Variants in GALNTL6 observed in about 807,000 individuals in gnomAD.
GALNTL6 encodes the protein polypeptide N-acetylgalactosaminyltransferase like 6, also known as polypeptide N-acetylgalactosaminyltransferase-like 6.
Under a neutral mutation model 73.7 loss-of-function variants are expected in GALNTL6, and 46 were observed. The ratio of observed to expected loss-of-function variants is 0.62; its 90% CI spans 0.49 to 0.80. GALNTL6 has a LOEUF of 0.80. GALNTL6 is among the 30% of genes least tolerant of loss of function. GALNTL6 has a pLI of 0.00. For synonymous variants in GALNTL6, 259 were observed against 263.7 expected, an observed-to-expected ratio of 0.98 and a Z score of 0.17; for missense variants, 604 against 755.0, an observed-to-expected ratio of 0.80 and a Z score of 2.34.
rs563599358 is a variant in GALNTL6, at chr4:171,822,616, A to C, written c.138+7898A>C. Among the ~76,000 whole-genome samples the C allele has an allele frequency of 2.0e-5, 3 of 152,308 alleles. No homozygotes were observed. The South Asian group carries it at 6.2e-4, about 32-fold the overall frequency. On this transcript the variant is annotated intron_variant, in intron 2 of 12. Coordinates refer to ENST00000506823, the MANE Select transcript of GALNTL6 (RefSeq NM_001034845.3). ...GTAAATAACCTTAAATATTGTGTAC[A>C]CCTAAAAAAGATATAATAAAATACA...
chr4:172,453,944 C>T (rs1405889539), intron 5 of GALNTL6, among the ~76,000 whole-genome samples: 1 of 152,114 alleles, frequency 6.6e-6, no homozygotes, highest in Non-Finnish European at 1.5e-5. Flanking sequence ...GTACAACTTA[C>T]AGAAATATAG....
intron 5 of GALNTL6, among the ~76,000 whole-genome samples, chr4:172,730,656 G>A (rs1253812654): frequency 6.6e-6 from 1 of 152,120 alleles, no homozygotes; most frequent in Non-Finnish European, 1.5e-5. Context: ...TTGCAGTTAT[G>A]TTCTTCAGCG....
At chr4:172,211,211 G>C (rs557306580) in intron 2 of GALNTL6, among the ~76,000 whole-genome samples, 9 of 152,092 alleles carry the variant, frequency 5.9e-5, no homozygotes, top group African/African-American at 2.2e-4. Context: ...ATTTCCCCAA[G>C]GAGCCCTGGT....
intron 5 of GALNTL6, among the ~76,000 whole-genome samples, chr4:172,487,095 A>C (rs974982765): frequency 3.3e-5 from 5 of 152,286 alleles, no homozygotes; most frequent in South Asian, 2.1e-4. Context: ...CTAAGTAATA[A>C]ATTTTCAAAT....
intron 5 of GALNTL6, among the ~76,000 whole-genome samples, chr4:172,650,271 G>A (rs1387263462): frequency 6.6e-6 from 1 of 151,982 alleles, no homozygotes; most frequent in Non-Finnish European, 1.5e-5. Flanking sequence ...AAGAACAGCG[G>A]TACCATATTA....
At chr4:172,458,516 G>A (rs998209137) in intron 5 of GALNTL6, among the ~76,000 whole-genome samples, 15 of 151,782 alleles carry the variant, frequency 9.9e-5, no homozygotes, top group African/African-American at 3.4e-4. Context: ...TCAAATAGAG[G>A]CAATAAAAAT....
intron 3 of GALNTL6, among the ~76,000 whole-genome samples, chr4:172,290,124 T>C (rs185849095): frequency 1.4e-3 from 216 of 152,278 alleles, no homozygotes; most frequent in African/African-American, 5.1e-3. Context: ...ATAGGGACTT[T>C]CTCTTTCATC....
intron 2 of GALNTL6, among the ~76,000 whole-genome samples, chr4:171,863,038 T>C (rs997438775): frequency 6.6e-6 from 1 of 152,204 alleles, no homozygotes; most frequent in African/African-American, 2.4e-5. Context: ...AACTCTTATT[T>C]CAAAGAATTT....
At chr4:172,160,525 A>G (rs1277300424) in intron 2 of GALNTL6, among the ~76,000 whole-genome samples, 1 of 152,020 alleles carries the variant, frequency 6.6e-6, no homozygotes, top group Non-Finnish European at 1.5e-5. Flanking sequence ...TTATTGAAGG[A>G]AACTAAGAGC....
chr4:172,311,792 G>GTTTTTTTT, intron 4 of GALNTL6, 40 bp downstream of exon 4: 1 of 1,324,314 alleles, frequency 7.6e-7, no homozygotes, highest in Non-Finnish European at 1.0e-6. Context: ...GGGTTTTTTT[G>GTTTTTTTT]GTTTTTTTTG....
At chr4:172,911,550 A>G (rs1449986963) in intron 8 of GALNTL6, among the ~76,000 whole-genome samples, 2 of 152,212 alleles carry the variant, frequency 1.3e-5, no homozygotes, top group African/African-American at 4.8e-5. Context: ...TTCCTACAGT[A>G]TTTAGCCTAG....
At position 172,379,645 on chromosome 4, in the gene GALNTL6, C is replaced by A. The variant is rs149777568; in HGVS notation, c.553+30956C>A. Among the ~76,000 whole-genome samples, 599 of 148,898 alleles carry A rather than the reference C, an allele frequency of 4.0e-3. 4 individuals carry two copies. Among genetic ancestry groups the A allele is most frequent in the African/African-American group, 0.014 (555 of 39,832 alleles). On this transcript the variant is annotated intron_variant, in intron 5 of 12. Coordinates refer to ENST00000506823, the MANE Select transcript of GALNTL6 (RefSeq NM_001034845.3). ...CATAAATTAAAATAAAACTACCTCC[C>A]CCCTGAAAAAAATAAAATAAAATAA...
chr4:172,907,279 T>G (rs1340156703), intron 8 of GALNTL6, among the ~76,000 whole-genome samples: 1 of 152,174 alleles, frequency 6.6e-6, no homozygotes, highest in Non-Finnish European at 1.5e-5. Context: ...ACAATATTTT[T>G]AACAAAGCTT....
At chr4:172,849,916 G>T (rs1162067290) in intron 7 of GALNTL6, among the ~76,000 whole-genome samples, 1 of 152,130 alleles carries the variant, frequency 6.6e-6, no homozygotes, top group African/African-American at 2.4e-5. Flanking sequence ...AGGTTGTCGA[G>T]AATCTTTAAC....
chr4:172,222,150 A>G (rs1339761842), intron 2 of GALNTL6, among the ~76,000 whole-genome samples: 2 of 151,768 alleles, frequency 1.3e-5, no homozygotes, highest in African/African-American at 4.8e-5. Flanking sequence ...ATCTTCAGAA[A>G]TTTCTCAGAA....
intron 2 of GALNTL6, among the ~76,000 whole-genome samples, chr4:171,984,325 T>C (rs1560871177): frequency 6.6e-6 from 1 of 152,214 alleles, no homozygotes; most frequent in Non-Finnish European, 1.5e-5. Flanking sequence ...ACCAGCTTCC[T>C]GTCTTAAGGG....
chr4:172,747,696 G>A (rs1737186164), intron 5 of GALNTL6, among the ~76,000 whole-genome samples: 1 of 151,850 alleles, frequency 6.6e-6, no homozygotes, highest in African/African-American at 2.4e-5. Flanking sequence ...AATCAGTATG[G>A]GAAAGAGATG....
chr4:172,209,842 A>G (rs886900503), intron 2 of GALNTL6, among the ~76,000 whole-genome samples: 10 of 152,226 alleles, frequency 6.6e-5, no homozygotes, highest in African/African-American at 2.4e-4. Flanking sequence ...CAAGCTGGCA[A>G]AAAGACTTCT....
chr4:172,630,917 T>C (rs931127454), intron 5 of GALNTL6, among the ~76,000 whole-genome samples: 2 of 150,520 alleles, frequency 1.3e-5, no homozygotes, highest in East Asian at 4.0e-4. Flanking sequence ...TAAAAGAAAA[T>C]TGGCCAACAG....
Sources: gnomAD v4.1 joint callset for allele counts (sites outside exome capture counted in the v4.1 genomes callset) on GRCh38, gnomAD v4.1.1 for gene constraint, MANE v1.5 for transcripts, NCBI Gene and HGNC (gene_info 2026-07-23, HGNC 2026-07-21) for gene names.